The following SUPT3H variants were observed in gnomAD, a reference collection of about 807,000 sequenced individuals.
The protein encoded by SUPT3H is SPT3 homolog, SAGA and STAGA complex component.
Under a neutral mutation model 44.3 loss-of-function variants are expected in SUPT3H, and 44 were observed. That is an observed-to-expected ratio of 0.99 (90% CI 0.78 to 1.28). The LOEUF is 1.28. Among genes scored for constraint, SUPT3H ranks in the 50% most tolerant of loss-of-function variants. The pLI is 0.00. For missense variants in SUPT3H, 380 were observed against 387.1 expected (o/e 0.98, Z 0.15); for synonymous variants, 124 against 125.6 (o/e 0.99, Z 0.09).
intron 10 of SUPT3H, among the ~76,000 whole-genome samples, chr6:44,899,956 C>T (rs1764705229): frequency 6.6e-6 from 1 of 152,144 alleles, no homozygotes; most frequent in South Asian, 2.1e-4. Context: ...CTTGCTGTGT[C>T]ATTACCTTGA....
At chr6:45,240,321 G>A (rs1040412937) in intron 2 of SUPT3H, among the ~76,000 whole-genome samples, 7 of 152,106 alleles carry the variant, frequency 4.6e-5, no homozygotes, top group African/African-American at 7.2e-5. Context: ...CTATGATAGC[G>A]GTGGTCACTA....
intron 3 of SUPT3H, among the ~76,000 whole-genome samples, chr6:45,063,441 G>T (rs1326970434): frequency 6.7e-6 from 1 of 149,030 alleles, no homozygotes; most frequent in Non-Finnish European, 1.5e-5. Flanking sequence ...CACCAGCAAC[G>T]GAACAAAGCT....
At chr6:45,077,857 GA>G (rs1264160878) in intron 3 of SUPT3H, among the ~76,000 whole-genome samples, 1 of 151,518 alleles carries the variant, frequency 6.6e-6, no homozygotes, top group Middle Eastern at 3.2e-3. Context: ...TATTTTGGAG[GA>G]AAAAAGAAAA....
At chr6:44,812,735 A>T (rs1766619141) in intron 11 of SUPT3H, among the ~76,000 whole-genome samples, 1 of 152,214 alleles carries the variant, frequency 6.6e-6, no homozygotes, top group African/African-American at 2.4e-5. Flanking sequence ...TTTGCCAATT[A>T]ACTGTGAGAC....
At chr6:45,194,795 A>T (rs1293049596) in intron 2 of SUPT3H, among the ~76,000 whole-genome samples, 2 of 152,190 alleles carry the variant, frequency 1.3e-5, no homozygotes. Context: ...CAGTCATTTA[A>T]ATCAATACAA....
rs117048246 is a variant in SUPT3H, at chr6:45,036,587, T to C, written c.187-15955A>G. On this transcript the variant is annotated intron_variant, in intron 3 of 10. Transcript: ENST00000371459. ...CATTTCATTCTAACTGTTTAAGTTA[T>C]AATAATTCTAAACACCAGAAAATAA... 1.1e-3 allele frequency among the ~76,000 whole-genome samples: 166 copies of C among 152,286 alleles called. 2 individuals carry two copies. The East Asian group carries it at 0.026, about 24-fold the overall frequency.
intron 2 of SUPT3H, among the ~76,000 whole-genome samples, chr6:45,346,129 T>C (rs1445112547): frequency 6.6e-6 from 1 of 152,130 alleles, no homozygotes; most frequent in African/African-American, 2.4e-5. Flanking sequence ...TAGTAGCATA[T>C]CTGTAACTCT....
At chr6:45,164,437 A>T (rs1042235881) in intron 2 of SUPT3H, among the ~76,000 whole-genome samples, 1 of 152,198 alleles carries the variant, frequency 6.6e-6, no homozygotes, top group Non-Finnish European at 1.5e-5. Context: ...TACAGAATCT[A>T]ACTACCAAGA....
At chr6:45,042,802 G>A (rs1048736582) in intron 3 of SUPT3H, among the ~76,000 whole-genome samples, 2 of 92,798 alleles carry the variant, frequency 2.2e-5, no homozygotes, top group African/African-American at 4.5e-5. Flanking sequence ...GCACATGTAT[G>A]TTTACTGCAG....
chr6:45,056,352 G>C (rs1034143408), intron 3 of SUPT3H, among the ~76,000 whole-genome samples: 6 of 152,096 alleles, frequency 3.9e-5, no homozygotes, highest in Non-Finnish European at 1.5e-5. Context: ...AGGAAAATAA[G>C]TCATTATATG....
At chr6:44,838,592 T>C (rs188457903) in intron 10 of SUPT3H, among the ~76,000 whole-genome samples, 199 of 152,268 alleles carry the variant, frequency 1.3e-3, no homozygotes, top group Middle Eastern at 3.4e-3. Context: ...AATGCCAATC[T>C]ATAGGCTAGT....
At chr6:45,069,026 T>C (rs1320223193) in intron 3 of SUPT3H, among the ~76,000 whole-genome samples, 1 of 151,534 alleles carries the variant, frequency 6.6e-6, no homozygotes, top group Non-Finnish European at 1.5e-5. Flanking sequence ...GTACACTGTA[T>C]AGCTTCCACC....
rs1232282164 is a variant in SUPT3H, at chr6:45,245,673, T to A, written c.101+119528A>T. On this transcript the variant is annotated intron_variant, in intron 2 of 10. Coordinates refer to ENST00000371459, the MANE Select transcript of SUPT3H (RefSeq NM_003599.4). ...TTCATGTAGGTACCACATTTTTTTA[T>A]CCATTCATCCACTGATGGACATGTT... Among the ~76,000 whole-genome samples, 3 of 152,172 alleles carry A rather than the reference T, an allele frequency of 2.0e-5. 1 individual carries two copies. Among genetic ancestry groups the A allele is most frequent in the African/African-American group, 7.2e-5 (3 of 41,452 alleles).
At chr6:44,938,624 T>A (rs1319468442) in intron 9 of SUPT3H, among the ~76,000 whole-genome samples, 1 of 152,160 alleles carries the variant, frequency 6.6e-6, no homozygotes, top group East Asian at 1.9e-4. Flanking sequence ...GGGTTGGTAT[T>A]TTGATAGAGA....
At chr6:45,079,387 G>T (rs572447215) in intron 3 of SUPT3H, among the ~76,000 whole-genome samples, 1 of 149,604 alleles carries the variant, frequency 6.7e-6, no homozygotes, top group Admixed American at 6.7e-5. Flanking sequence ...GAGGAGAAGT[G>T]GAAGAAGGAA....
intron 5 of SUPT3H, among the ~76,000 whole-genome samples, chr6:45,005,884 G>A (rs1782651147): frequency 6.6e-6 from 1 of 152,020 alleles, no homozygotes; most frequent in Non-Finnish European, 1.5e-5. Flanking sequence ...TTTTGTAAAT[G>A]TTCTGTAGAT....
intron 2 of SUPT3H, among the ~76,000 whole-genome samples, chr6:45,231,009 G>A (rs942770531): frequency 1.3e-5 from 2 of 152,022 alleles, no homozygotes; most frequent in African/African-American, 4.8e-5. Flanking sequence ...TTTACACACA[G>A]GTTATTATGG....
intron 10 of SUPT3H, among the ~76,000 whole-genome samples, chr6:44,895,192 G>T (rs1034879603): frequency 1.3e-5 from 2 of 150,640 alleles, no homozygotes; most frequent in African/African-American, 4.9e-5. Context: ...TATCAGAGGT[G>T]GTCTTAATCT....
intron 7 of SUPT3H, among the ~76,000 whole-genome samples, chr6:44,956,488 A>T (rs1775222558): frequency 8.6e-5 from 1 of 11,692 alleles, no homozygotes; most frequent in South Asian, 4.6e-3. Flanking sequence ...AAAAAATAAA[A>T]AAAAAAAATA....
Sources: gnomAD v4.1 joint callset for allele counts (sites outside exome capture counted in the v4.1 genomes callset) on GRCh38, gnomAD v4.1.1 for gene constraint, MANE v1.5 for transcripts, NCBI Gene and HGNC (gene_info 2026-07-23, HGNC 2026-07-21) for gene names.